CCDC157: variants seen among roughly 807,000 people sequenced by gnomAD.
The protein encoded by CCDC157 is coiled-coil domain-containing protein 157.
In CCDC157, 60 loss-of-function variants were observed where a neutral mutation model predicts 70.9. That is an observed-to-expected ratio of 0.85 (90% CI 0.69 to 1.05). The LOEUF (loss-of-function observed/expected upper bound fraction) is 1.05, where lower values mean the gene tolerates loss of function less well. Among genes scored for constraint, CCDC157 ranks in the 50% least tolerant of loss-of-function variants. The pLI is 0.00. For synonymous variants in CCDC157, 373 were observed against 422.4 expected (o/e 0.88, Z 1.43); for missense variants, 943 against 984.2 (o/e 0.96, Z 0.56).
intron 1 of CCDC157, among the ~76,000 whole-genome samples, chr22:30,359,423 C>T (rs985456699): frequency 8.5e-5 from 13 of 152,178 alleles, no homozygotes; most frequent in Non-Finnish European, 1.6e-4. Context: ...TTACCCCTTG[C>T]GGAGACCCTC....
At position 30,378,281 on chromosome 22, in the gene CCDC157, T is replaced by TAG; in HGVS notation, c.*1536_*1537insAG. Reference sequence around the variant, plus strand: ...AGGGCAAGGCTCACACTCAAATACTTTCCCTATCTTCAGGTCAGCTTGCTA... The same window carrying TAG: ...AGGGCAAGGCTCACACTCAAATACTTAGTCCCTATCTTCAGGTCAGCTTGCTA... On this transcript the variant is annotated 3_prime_UTR_variant, in exon 12 of 12. Transcript: ENST00000338306. 2.5e-6 allele frequency: 1 copy of TAG among 397,966 alleles called. No individual in the cohort carries two copies. Among genetic ancestry groups the TAG allele is most frequent in the South Asian group, 1.8e-5 (1 of 54,974 alleles). 24.7% of individuals were successfully genotyped at this position (397,966 alleles called of 1,614,324 possible). A position where few individuals can be genotyped will look rare whatever the true frequency, so the allele number is the denominator to read the frequency against.
In CCDC157 at chr22:30,370,873, G is replaced by T. The variant is rs1201467081; in HGVS notation, c.968G>T (p.Gly323Val). 6.2e-7 allele frequency: 1 copy of T among 1,611,876 alleles called. No homozygotes were observed. Among genetic ancestry groups the T allele is most frequent in the African/African-American group, 1.3e-5 (1 of 74,934 alleles). ...KLEQALKQEQ[G>V]ARRRQAEEDE... ...GAGCAGGCGCTGAAACAGGAGCAGG[G>T]GGCACGGCGGCGACAGGCGGAGGAG... The change falls in exon 5 of 12, where the codon GGG becomes GTG. Residue 323 changes from glycine to valine, a missense_variant. By Grantham distance (109) the Gly-to-Val change is moderately radical (BLOSUM62 -3). Transcript: ENST00000338306.
At chr22:30,356,707 G>A, upstream of CCDC157, 1 of 1,461,926 alleles carries the variant, frequency 6.8e-7, no homozygotes, top group Non-Finnish European at 9.1e-7. Flanking sequence ...CCGGCTGCAG[G>A]CTGAGGGGCG....
upstream of CCDC157, chr22:30,356,670 C>A (rs540543809): frequency 8.5e-6 from 11 of 1,296,670 alleles, no homozygotes; most frequent in African/African-American, 3.1e-5. Flanking sequence ...TATTCCTGTG[C>A]GAGTAAGGAG....
chr22:30,374,753 G>A (rs1403735895), intron 9 of CCDC157: 2 of 456,482 alleles, frequency 4.4e-6, no homozygotes, highest in Admixed American at 4.7e-5. Context: ...GAACCAGAAG[G>A]GGCAGCAATT....
chr22:30,378,282 T>G lies in CCDC157; in HGVS notation c.*1537T>G, dbSNP rs1447803004. On this transcript the variant is annotated 3_prime_UTR_variant, in exon 12 of 12. Transcript: ENST00000338306. The stretch of plus-strand genomic sequence containing the variant: ...GGGCAAGGCTCACACTCAAATACTT[T>G]CCCTATCTTCAGGTCAGCTTGCTAT... 3 of 394,070 alleles carry G rather than the reference T, an allele frequency of 7.6e-6. No homozygotes were observed. 24.4% of individuals were successfully genotyped at this position (394,070 alleles called of 1,614,324 possible).
chr22:30,372,083 G>C lies in CCDC157; in HGVS notation c.1132G>C (p.Ala378Pro). Residue 378 changes from alanine to proline, a missense_variant, in exon 7 of 12, where the codon GCC (alanine) becomes CCC (proline). Physicochemically the swap from Ala to Pro is conservative, Grantham distance 27. Transcript: ENST00000338306. ...TCCACTTAATGCTGCAGAGGCAAAG[G>C]CCCAGCAGCTGCAGGAGGAAGGTGA... ...RESTQAVEAK[A>P]QQLQEEGERR... is the part of the protein sequence containing the mutation. The C allele has an allele frequency of 6.5e-7, 1 of 1,540,716 alleles. No individual in the cohort carries two copies. Among genetic ancestry groups the C allele is most frequent in the African/African-American group, 1.4e-5 (1 of 73,086 alleles).
chr22:30,358,076 C>A (rs186877664), intron 1 of CCDC157, among the ~76,000 whole-genome samples: 2 of 152,192 alleles, frequency 1.3e-5, no homozygotes, highest in Admixed American at 1.3e-4. Context: ...TCCTGCGATT[C>A]CCCCCTCTCT....
At chr22:30,375,355 TA>T in intron 9 of CCDC157, 123 bp from the exon 10 acceptor site, 1 of 846,422 alleles carries the variant, frequency 1.2e-6, no homozygotes, top group Non-Finnish European at 1.9e-6. Flanking sequence ...GAAGGGGGAA[TA>T]AGGCCTCGGG....
intron 9 of CCDC157, 152 bp downstream of exon 9, chr22:30,374,243 C>A (rs760931340): frequency 1.2e-6 from 1 of 863,650 alleles, no homozygotes; most frequent in Non-Finnish European, 1.8e-6. Flanking sequence ...TGTGGACCCA[C>A]CACAGCACGC....
chr22:30,371,938 C>G, intron 6 of CCDC157, 137 bp from the exon 7 acceptor site: 4 of 758,578 alleles, frequency 5.3e-6, no homozygotes, highest in Non-Finnish European at 8.6e-6. Flanking sequence ...CCAAACCCAC[C>G]TCAGGTGGGG....
intron 2 of CCDC157, among the ~76,000 whole-genome samples, chr22:30,365,558 G>A (rs761646518): frequency 1.3e-5 from 2 of 152,258 alleles, no homozygotes; most frequent in East Asian, 3.9e-4. Context: ...TGCTGCAGTG[G>A]TCTAGGCAGG....
chr22:30,378,027 C>T lies in CCDC157; in HGVS notation c.*1282C>T, dbSNP rs1933445530. On this transcript the variant is annotated 3_prime_UTR_variant, in exon 12 of 12. Transcript: ENST00000338306. ...CCAAGCTCCACTTGTTGGCAGAATT[C>T]CGATCCTTGCGGCTGTGGGACTGAG... 1 of 448,318 alleles carries T rather than the reference C, an allele frequency of 2.2e-6. No homozygotes were observed. Among genetic ancestry groups the T allele is most frequent in the Admixed American group, 2.6e-5 (1 of 38,420 alleles). The allele number at this position is 448,318 out of a possible 1,614,324, so 27.8% of individuals were successfully genotyped here.
In CCDC157 at chr22:30,366,199, G is replaced by A. The variant is rs766620698; in HGVS notation, c.199G>A (p.Glu67Lys). 9.3e-6 allele frequency: 15 copies of A among 1,613,718 alleles called. No homozygotes were observed. The East Asian group carries it at 1.3e-4, about 14-fold the overall frequency. ...EHYDHVPGDP[E>K]FTQLSHAVLL... ...CTATGACCATGTTCCGGGTGACCCCGAGTTCACGCAGCTGTCCCATGCCGT... is the reference window on the plus strand; with the variant it reads ...CTATGACCATGTTCCGGGTGACCCCAAGTTCACGCAGCTGTCCCATGCCGT... The change falls in exon 3 of 12, where the codon GAG (glutamate) becomes AAG (lysine). Residue 67 changes from glutamate (E) to lysine (K), a missense_variant. Coordinates refer to ENST00000338306, the MANE Select transcript of CCDC157 (RefSeq NM_001017437.5).
intron 6 of CCDC157, 124 bp downstream of exon 6, chr22:30,371,851 GTGGGCCTGACCAACCACACTAT>G (rs1479529283): frequency 1.1e-6 from 1 of 940,110 alleles, no homozygotes; most frequent in Non-Finnish European, 1.7e-6. Context: ...CCACAGGAGG[GTGGGCCTGACCAACCACACTAT>G]TGGCGATGAC....
upstream of CCDC157, chr22:30,356,674 T>C: frequency 2.3e-6 from 3 of 1,325,264 alleles, no homozygotes; most frequent in Non-Finnish European, 3.0e-6. Flanking sequence ...CCTGTGCGAG[T>C]AAGGAGCGCC....
chr22:30,374,495 C>T (rs1415829007), intron 9 of CCDC157: 1 of 466,636 alleles, frequency 2.1e-6, no homozygotes, highest in East Asian at 6.7e-5. Flanking sequence ...CTCCAGCTGC[C>T]CACTGTCCTG....
upstream of CCDC157, chr22:30,356,757 C>T (rs1240609989): frequency 1.3e-6 from 2 of 1,482,144 alleles, no homozygotes; most frequent in East Asian, 2.8e-5. Flanking sequence ...GCACGGGCGG[C>T]GGCGGGGGCA....
chr22:30,365,962 TG>T, intron 2 of CCDC157, 27 bp from the exon 3 acceptor site: 1 of 1,540,974 alleles, frequency 6.5e-7, no homozygotes, highest in South Asian at 1.2e-5. Context: ...TGGCTCTGGC[TG>T]GCAGGGCTCT....
Sources: allele counts gnomAD v4.1 joint callset (sites outside exome capture counted in the v4.1 genomes callset), GRCh38; gene constraint gnomAD v4.1.1; transcripts MANE v1.5; gene names NCBI Gene and HGNC (gene_info 2026-07-23, HGNC 2026-07-21).